SIRT6: variants seen among roughly 807,000 people sequenced by gnomAD.
The protein encoded by SIRT6 is sirtuin 6.
SIRT6 carries 21 observed loss-of-function variants against 33.6 expected under a neutral mutation model. That is an observed-to-expected ratio of 0.62 (90% CI 0.44 to 0.90). The LOEUF is 0.90. SIRT6 is among the 40% of genes least tolerant of loss of function. The pLI is 0.00. For synonymous variants in SIRT6, 221 were observed against 223.9 expected (o/e 0.99, Z 0.12); for missense variants, 504 against 510.6 (o/e 0.99, Z 0.12).
intron 1 of SIRT6, among the ~76,000 whole-genome samples, chr19:4,181,541 C>G (rs1967666939): frequency 6.6e-6 from 1 of 152,194 alleles, no homozygotes; most frequent in Non-Finnish European, 1.5e-5. Context: ...AATCCCAGCA[C>G]TTTGGGAAGC....
chr19:4,179,122 A>G lies in SIRT6; in HGVS notation c.359T>C (p.Val120Ala). 3 of 1,612,264 alleles carry G rather than the reference A, an allele frequency of 1.9e-6. No homozygotes were observed. Among genetic ancestry groups the G allele is most frequent in the South Asian group, 1.1e-5 (1 of 90,768 alleles). ...LVSQNVDGLH[V>A]RSGFPRDKLA... ...GTGTTACCTGGGGAAGCCTGAGCGC[A>G]CATGGAGCCCGTCCACGTTCTGGCT... is the stretch of plus-strand genomic sequence containing the variant. The change falls in exon 3 of 8, where the codon GTG (valine) becomes GCG (alanine). Residue 120 changes from valine (V) to alanine (A), a missense_variant. By Grantham distance (64) the Val-to-Ala change is moderately conservative. Transcript: ENST00000337491.
At position 4,174,323 on chromosome 19, in the gene SIRT6, A is replaced by C. The variant is rs1967147904; in HGVS notation, c.*294T>G. 1 of 280,554 alleles carries C rather than the reference A, an allele frequency of 3.6e-6. No individual in the cohort carries two copies. The highest frequency in any genetic ancestry group is 5.1e-5 in the Admixed American group (1 of 19,694). 17.4% of individuals were successfully genotyped at this position (280,554 alleles called of 1,614,324 possible). ...GGACAGAGGGAGTTCACTCCTGTTTAAGCTGGAGACCAGGGAGGGCCCAGC... is the reference window on the plus strand; with the variant it reads ...GGACAGAGGGAGTTCACTCCTGTTTCAGCTGGAGACCAGGGAGGGCCCAGC... On this transcript the variant is annotated 3_prime_UTR_variant, in exon 8 of 8. Transcript: ENST00000337491. This position sits in a 1 kb window ranked among gnomAD's most constrained non-coding sequence, Gnocchi z 4.2.
chr19:4,174,561 A>C lies in SIRT6; in HGVS notation c.*56T>G. 7.3e-7 allele frequency: 1 copy of C among 1,363,898 alleles called. No individual in the cohort carries two copies. Among genetic ancestry groups the C allele is most frequent in the Non-Finnish European group, 9.6e-7 (1 of 1,038,436 alleles). The allele number at this position is 1,363,898 out of a possible 1,614,324, so 84.5% of individuals were successfully genotyped here. On this transcript the variant is annotated 3_prime_UTR_variant, in exon 8 of 8. Coordinates refer to ENST00000337491, the MANE Select transcript of SIRT6 (RefSeq NM_016539.4). This position sits in a 1 kb window ranked among gnomAD's most constrained non-coding sequence, Gnocchi z 4.2. ...AAACAAGTAACAAAGTGAGACCACG[A>C]GAGAAAAAGAATCCACAGTTTCTAC...
rs139762437 is a variant in SIRT6, at chr19:4,175,130, C to T, written c.636G>A (p.Thr212=). Residue 212 remains threonine (T), a synonymous_variant, in exon 7 of 8, where the codon ACG becomes ACA. Transcript: ENST00000337491. ...EASRNADLSI[T]LGTSLQIRPS... Reference sequence around the variant, plus strand: ...GCCGGATCTGCAGCGATGTACCCAGCGTGATGGACAGGTCGGCGTTCCTGG... The same window carrying T: ...GCCGGATCTGCAGCGATGTACCCAGTGTGATGGACAGGTCGGCGTTCCTGG... 323 of 1,601,832 alleles carry T rather than the reference C, an allele frequency of 2.0e-4. No homozygotes were observed. Among genetic ancestry groups the T allele is most frequent in the Middle Eastern group, 3.5e-4 (2 of 5,654 alleles).
intron 3 of SIRT6, 56 bp downstream of exon 3, chr19:4,179,048 C>A: frequency 6.3e-7 from 1 of 1,588,098 alleles, no homozygotes. Flanking sequence ...CCTAAAAATG[C>A]AAACACGGTT....
At chr19:4,179,777 G>A (rs1320822036) in intron 2 of SIRT6, among the ~76,000 whole-genome samples, 1 of 152,244 alleles carries the variant, frequency 6.6e-6, no homozygotes, top group Admixed American at 6.5e-5. Flanking sequence ...GCCCCGTGGA[G>A]GTGGGGGCCC....
chr19:4,179,385 G>A, intron 2 of SIRT6, 99 bp from the exon 3 acceptor site: 2 of 1,275,578 alleles, frequency 1.6e-6, no homozygotes, highest in Non-Finnish European at 2.1e-6. Context: ...TGGAGAGAGA[G>A]AAAATCAGGA....
chr19:4,176,830 C>T (rs2145164463), intron 4 of SIRT6, among the ~76,000 whole-genome samples: 1 of 152,250 alleles, frequency 6.6e-6, no homozygotes. Context: ...AGTGCCAGGA[C>T]ACGGATGTAC....
At position 4,174,510 on chromosome 19, in the gene SIRT6, C is replaced by T; in HGVS notation, c.*107G>A. On this transcript the variant is annotated 3_prime_UTR_variant, in exon 8 of 8. Transcript: ENST00000337491. The surrounding 1 kb of genome is among the most constrained non-coding windows in gnomAD (Gnocchi z 4.2). ...AACCCCTGGCCTGGAGCACAGCTCTCAGAGCCCTGAGGCTCCCGGGGACAG... is the reference window on the plus strand; with the variant it reads ...AACCCCTGGCCTGGAGCACAGCTCTTAGAGCCCTGAGGCTCCCGGGGACAG... The T allele has an allele frequency of 9.1e-7, 1 of 1,097,890 alleles. No homozygotes were observed. The highest frequency in any genetic ancestry group is 1.2e-6 in the Non-Finnish European group (1 of 815,004). The allele number at this position is 1,097,890 out of a possible 1,614,324, so 68.0% of individuals were successfully genotyped here. A position where few individuals can be genotyped will look rare whatever the true frequency, so the allele number is the denominator to read the frequency against.
rs755635363 is a variant in SIRT6 at position 4,175,147 on chromosome 19, C to T, written c.619G>A (p.Ala207Thr). Residue 207 changes from alanine (A) to threonine (T), a missense_variant, in exon 7 of 8, where the codon GCC becomes ACC. Ala to Thr is a moderately conservative substitution (Grantham distance 58, BLOSUM62 0). Transcript: ENST00000337491. Reference sequence around the variant, plus strand: ...GTACCCAGCGTGATGGACAGGTCGGCGTTCCTGGGGCCGGGGAGCGTGGGC... The same window carrying T: ...GTACCCAGCGTGATGGACAGGTCGGTGTTCCTGGGGCCGGGGAGCGTGGGC... ...LALADEASRN[A>T]DLSITLGTSL... The T allele has an allele frequency of 9.4e-6, 15 of 1,600,842 alleles. No homozygotes were observed. Among genetic ancestry groups the T allele is most frequent in the Non-Finnish European group, 1.3e-5 (15 of 1,175,658 alleles).
At position 4,175,895 on chromosome 19, in the gene SIRT6, C is replaced by T; in HGVS notation, c.480G>A (p.Lys160=). The change falls in exon 5 of 8, where the codon AAG becomes AAA. Residue 160 remains lysine (K), a synonymous_variant. Transcript: ENST00000337491. The part of the protein sequence containing the change: ...RDTVVGTMGL[K]ATGRLCTVAK... ...CCACGGTGCAGAGCCGGCCCGTGGC[C>T]TTCAGGCCCATGGTGCCCACGACTG... 1 of 1,569,830 alleles carries T rather than the reference C, an allele frequency of 6.4e-7. No individual in the cohort carries two copies. The highest frequency in any genetic ancestry group is 8.6e-7 in the Non-Finnish European group (1 of 1,157,768).
Position 4,174,992 on chromosome 19 carries a change from T to C in SIRT6, c.738+36A>G. On this transcript the variant is annotated intron_variant, in intron 7 of 7. Coordinates refer to ENST00000337491, the MANE Select transcript of SIRT6 (RefSeq NM_016539.4). The surrounding 1 kb of genome is among the most constrained non-coding windows in gnomAD (Gnocchi z 4.2). ...TCAGGCGTGGGGGACAGAGGGTGCA[T>C]GGTGGCCCTGGGCAGGGGTAGGCTC... 1 of 1,606,420 alleles carries C rather than the reference T, an allele frequency of 6.2e-7. No homozygotes were observed. The highest frequency in any genetic ancestry group is 8.5e-7 in the Non-Finnish European group (1 of 1,176,260).
At chr19:4,180,748 G>A (rs1008241628) in intron 2 of SIRT6, 34 bp downstream of exon 2, 1 of 1,577,566 alleles carries the variant, frequency 6.3e-7, no homozygotes, top group Admixed American at 1.8e-5. Flanking sequence ...AGCCTGGTAG[G>A]CCTTGCCTCG....
intron 3 of SIRT6, 42 bp from the exon 4 acceptor site, chr19:4,177,180 C>T: frequency 1.2e-6 from 2 of 1,603,188 alleles, no homozygotes; most frequent in Non-Finnish European, 8.5e-7. Flanking sequence ...GGGAAAGGAT[C>T]CCTGGATGCC....
At position 4,182,463 on chromosome 19, in the gene SIRT6, G is replaced by C; in HGVS notation, c.66+11C>G. On this transcript the variant is annotated intron_variant, in intron 1 of 7. Transcript: ENST00000337491. ...TGGGGCGCGATGCTCGGGACCCTCA[G>C]ACGCGCTCACCTCCGGGAGGCCGCA... 2 of 1,607,718 alleles carry C rather than the reference G, an allele frequency of 1.2e-6. No homozygotes were observed.
intron 3 of SIRT6, among the ~76,000 whole-genome samples, chr19:4,177,792 G>A (rs1416126861): frequency 1.1e-4 from 16 of 152,012 alleles, no homozygotes; most frequent in South Asian, 4.2e-4. Flanking sequence ...GGGTTTCACC[G>A]TGTTAGCCAG....
chr19:4,179,217 G>A lies in SIRT6; in HGVS notation c.264C>T (p.Ser88=), dbSNP rs1025650835. The A allele has an allele frequency of 2.5e-5, 41 of 1,610,694 alleles. No individual in the cohort carries two copies. Among genetic ancestry groups the A allele is most frequent in the South Asian group, 5.5e-5 (5 of 90,364 alleles). Residue 88 remains serine (S), a synonymous_variant, in exon 3 of 8, where the codon AGC becomes AGT. Coordinates refer to ENST00000337491, the MANE Select transcript of SIRT6 (RefSeq NM_016539.4). ...CCATGTGGGTCTGCGTGGGCCGCGC[G>A]CTCTCAAAGGTGGTGTCGAACTTGG... ...LAPKFDTTFE[S]ARPTQTHMAL...
chr19:4,179,536 T>G, intron 2 of SIRT6: 1 of 533,708 alleles, frequency 1.9e-6, no homozygotes, highest in Non-Finnish European at 3.3e-6. Flanking sequence ...GAGACAGAAT[T>G]GGAGAGAGAC....
chr19:4,179,315 C>A, intron 2 of SIRT6, 29 bp from the exon 3 acceptor site: 1 of 1,557,992 alleles, frequency 6.4e-7, no homozygotes, highest in African/African-American at 1.4e-5. Flanking sequence ...GAGAGATGGA[C>A]GGGGAGAGGG....
Sources: gnomAD v4.1 joint callset for allele counts (sites outside exome capture counted in the v4.1 genomes callset) on GRCh38, gnomAD v4.1.1 for gene constraint, Gnocchi (gnomAD v3.1) non-coding constraint, MANE v1.5 for transcripts, NCBI Gene and HGNC (gene_info 2026-07-23, HGNC 2026-07-21) for gene names.